PCDHGA2: variants seen among roughly 807,000 people sequenced by gnomAD.
The protein encoded by PCDHGA2 is protocadherin gamma-A2.
Under a neutral mutation model 59.2 loss-of-function variants are expected in PCDHGA2, and 40 were observed. The observed-to-expected ratio is 0.68, with a 90% CI of 0.52 to 0.88. PCDHGA2 has a LOEUF of 0.88. Among genes scored for constraint, PCDHGA2 ranks in the 40% least tolerant of loss-of-function variants. The pLI is 0.00. For synonymous variants in PCDHGA2, 560 were observed against 526.0 expected (o/e 1.06, Z -0.89); for missense variants, 1,226 against 1,204.0 (o/e 1.02, Z -0.27).
intron 1 of PCDHGA2, chr5:141,441,346 G>A (rs1265971154): frequency 2.0e-5 from 3 of 152,340 alleles, no homozygotes; most frequent in African/African-American, 7.2e-5. Context: ...TTAACTACAT[G>A]CTTGTAACAA....
intron 1 of PCDHGA2, chr5:141,427,050 G>A (rs974721070): frequency 4.4e-6 from 2 of 457,372 alleles, no homozygotes; most frequent in Non-Finnish European, 4.4e-6. Flanking sequence ...TGTGCCCCCA[G>A]GCACCTCTGT....
intron 1 of PCDHGA2, chr5:141,370,125 T>C (rs921513468): frequency 5.8e-5 from 23 of 394,142 alleles, no homozygotes; most frequent in Non-Finnish European, 9.4e-5. Context: ...GCTCCTTATT[T>C]GGAGCTGATT....
chr5:141,430,984 C>G (rs765063685), intron 1 of PCDHGA2: 2 of 1,613,530 alleles, frequency 1.2e-6, no homozygotes, highest in Non-Finnish European at 1.7e-6. Flanking sequence ...CGCAGCTTTT[C>G]GCCCTGAATC....
chr5:141,362,075 G>C (rs533999436), intron 1 of PCDHGA2: 2 of 1,612,964 alleles, frequency 1.2e-6, no homozygotes, highest in African/African-American at 2.7e-5. Flanking sequence ...GTCGCTGTGC[G>C]TGATGGAGGA....
chr5:141,487,623 C>T lies in PCDHGA2; in HGVS notation c.2425-7184C>T, dbSNP rs2099654624. On this transcript the variant is annotated intron_variant, in intron 1 of 3. Coordinates refer to ENST00000394576, the MANE Select transcript of PCDHGA2 (RefSeq NM_018915.4). This position sits in a 1 kb window ranked among gnomAD's most constrained non-coding sequence, Gnocchi z 5.0. The stretch of plus-strand genomic sequence containing the variant: ...CTTCTCTATGGGCTAGAGGTGAGAC[C>T]TTTGCAGGCTCAACAAATGCTTGAG... 6.2e-7 allele frequency: 1 copy of T among 1,614,088 alleles called. No individual in the cohort carries two copies. The highest frequency in any genetic ancestry group is 1.3e-5 in the African/African-American group (1 of 74,930).
At chr5:141,350,621 C>A in intron 1 of PCDHGA2, 1 of 1,613,982 alleles carries the variant, frequency 6.2e-7, no homozygotes, top group Non-Finnish European at 8.5e-7. Flanking sequence ...TGTTGTAATC[C>A]AAGATATTAA....
chr5:141,508,647 C>T (rs1301017914), intron 3 of PCDHGA2, among the ~76,000 whole-genome samples: 4 of 152,090 alleles, frequency 2.6e-5, no homozygotes, highest in African/African-American at 9.7e-5. Flanking sequence ...CTCCGTCAGG[C>T]CCTTCCTGTC....
chr5:141,440,563 T>C (rs1048420758), intron 1 of PCDHGA2: 3 of 152,250 alleles, frequency 2.0e-5, no homozygotes, highest in Admixed American at 6.5e-5. Flanking sequence ...TTAAGTTACG[T>C]ATCTCTGAGT....
chr5:141,410,685 A>G, intron 1 of PCDHGA2: 1 of 1,528,540 alleles, frequency 6.5e-7, no homozygotes, highest in Non-Finnish European at 8.7e-7. Flanking sequence ...TTTTAGGCAT[A>G]CTACTTTATT....
rs746086533 is a variant in PCDHGA2 at position 141,341,063 on chromosome 5, G to A, written c.2092G>A (p.Ala698Thr). Residue 698 changes from alanine (A) to threonine (T), a missense_variant, in exon 1 of 4, where the codon GCC becomes ACC. Coordinates refer to ENST00000394576, the MANE Select transcript of PCDHGA2 (RefSeq NM_018915.4). ...CACTCTGTACCTGGTGGTGGCGGTG[G>A]CCGCGGTCTCCTGCGTCTTCCTGGC... The part of the protein sequence containing the change: ...DLTLYLVVAV[A>T]AVSCVFLAFV... 24 of 1,614,076 alleles carry A rather than the reference G, an allele frequency of 1.5e-5. No individual in the cohort carries two copies. The highest frequency in any genetic ancestry group is 3.3e-5 in the Admixed American group (2 of 60,010).
At chr5:141,462,584 A>C (rs959398950) in intron 1 of PCDHGA2, among the ~76,000 whole-genome samples, 1 of 152,124 alleles carries the variant, frequency 6.6e-6, no homozygotes, top group African/African-American at 2.4e-5. Context: ...CATCCAGTGA[A>C]GTTTCCATTT....
chr5:141,389,742 C>T (rs1477462199), intron 1 of PCDHGA2: 2 of 1,612,602 alleles, frequency 1.2e-6, no homozygotes, highest in Non-Finnish European at 1.7e-6. Context: ...CCTGGGGCTG[C>T]GCACGGGCGA....
Position 141,460,747 on chromosome 5 carries a change from G to A in PCDHGA2, c.2425-34060G>A, listed in dbSNP as rs148154304. On this transcript the variant is annotated intron_variant, in intron 1 of 3. Transcript: ENST00000394576. ...GCATATATACACATTGTATATATAT[G>A]TGTACATATACATATTGCATATGTA... Among the ~76,000 whole-genome samples, 351 of 151,000 alleles carry A rather than the reference G, an allele frequency of 2.3e-3. 2 individuals are homozygous for A. The highest frequency in any genetic ancestry group is 6.8e-3 in the Middle Eastern group (2 of 294).
At position 141,431,031 on chromosome 5, in the gene PCDHGA2, A is replaced by C; in HGVS notation, c.2425-63776A>C. Reference sequence around the variant, plus strand: ...AGCTTGGTCACGGCGGGCAGGATAGACCGGGAGGAGCTCTGTATGGGGGCC... The same window carrying C: ...AGCTTGGTCACGGCGGGCAGGATAGCCCGGGAGGAGCTCTGTATGGGGGCC... On this transcript the variant is annotated intron_variant, in intron 1 of 3. Coordinates refer to ENST00000394576, the MANE Select transcript of PCDHGA2 (RefSeq NM_018915.4). This position sits in a 1 kb window ranked among gnomAD's most constrained non-coding sequence, Gnocchi z 4.8. 1 of 1,614,036 alleles carries C rather than the reference A, an allele frequency of 6.2e-7. No homozygotes were observed. The highest frequency in any genetic ancestry group is 8.5e-7 in the Non-Finnish European group (1 of 1,180,000).
intron 1 of PCDHGA2, chr5:141,388,395 C>A (rs1445370262): frequency 2.5e-6 from 4 of 1,613,810 alleles, no homozygotes; most frequent in African/African-American, 2.7e-5. Flanking sequence ...GCAGAATTAC[C>A]AACTCAGTCC....
intron 1 of PCDHGA2, chr5:141,345,625 T>C: frequency 1.2e-6 from 2 of 1,614,184 alleles, no homozygotes; most frequent in South Asian, 1.1e-5. Flanking sequence ...TTAAAGCTAC[T>C]GGTGACAGCC....
chr5:141,478,293 T>C (rs2099444312), intron 1 of PCDHGA2: 2 of 1,614,026 alleles, frequency 1.2e-6, no homozygotes. Context: ...TCTAGAGACC[T>C]ATACCGAGCC....
chr5:141,361,618 G>C, intron 1 of PCDHGA2: 1 of 1,613,956 alleles, frequency 6.2e-7, no homozygotes, highest in Non-Finnish European at 8.5e-7. Context: ...CGTAGCGAGC[G>C]ACCTGAAGCC....
Position 141,394,937 on chromosome 5 carries a change from C to T in PCDHGA2, c.2424+53542C>T, listed in dbSNP as rs1224179687. 4.3e-6 allele frequency: 7 copies of T among 1,613,688 alleles called. No individual in the cohort carries two copies. In the East Asian group the frequency reaches 8.9e-5, roughly 21 times the overall value. ...TCTCCTGTGTCTTCCTCGCCTTTGT[C>T]GCTGTGCTTCTGGGGCTCAGGCTGA... On this transcript the variant is annotated intron_variant, in intron 1 of 3. Transcript: ENST00000394576.
Sources: allele counts gnomAD v4.1 joint callset (sites outside exome capture counted in the v4.1 genomes callset), GRCh38; gene constraint gnomAD v4.1.1; non-coding constraint Gnocchi (gnomAD v3.1); transcripts MANE v1.5; gene names NCBI Gene and HGNC (gene_info 2026-07-23, HGNC 2026-07-21).